The following ADGRB3 variants were observed in gnomAD, a reference collection of about 807,000 sequenced individuals.
The protein encoded by ADGRB3 is brain-specific angiogenesis inhibitor 3.
A neutral mutation model predicts 193.4 loss-of-function variants in ADGRB3; 37 were observed. The observed-to-expected ratio is 0.19, with a 90% CI of 0.15 to 0.25. The LOEUF (loss-of-function observed/expected upper bound fraction) is 0.25. Ranked by LOEUF, ADGRB3 falls within the 10% of genes least tolerant of loss-of-function variation. The probability of loss-of-function intolerance (pLI) is 1.00; values close to 1 mark genes in which losing one functional copy is unlikely to be tolerated. For missense variants in ADGRB3, 1,637 were observed against 1,852.9 expected, an observed-to-expected ratio of 0.88 and a Z score of 2.14; for synonymous variants, 690 against 644.2, an observed-to-expected ratio of 1.07 and a Z score of -1.08.
chr6:68,862,824 T>G (rs1765193504), intron 3 of ADGRB3, among the ~76,000 whole-genome samples: 1 of 152,186 alleles, frequency 6.6e-6, no homozygotes, highest in African/African-American at 2.4e-5. Flanking sequence ...TTTCTATTGC[T>G]TCCTCTTGAT....
chr6:69,284,663 T>TAA (rs139019795), intron 20 of ADGRB3, among the ~76,000 whole-genome samples: 4 of 151,798 alleles, frequency 2.6e-5, no homozygotes, highest in Admixed American at 6.6e-5. Context: ...GTATTTAACC[T>TAA]AAAAAAAACC....
At chr6:68,942,531 G>T (rs193275057) in intron 5 of ADGRB3, among the ~76,000 whole-genome samples, 5 of 152,050 alleles carry the variant, frequency 3.3e-5, no homozygotes, top group Admixed American at 6.6e-5. Flanking sequence ...GTCTATTAGG[G>T]TGCTATTATG....
chr6:69,073,233 G>A (rs186838118), intron 16 of ADGRB3, among the ~76,000 whole-genome samples: 2 of 151,566 alleles, frequency 1.3e-5, no homozygotes, highest in East Asian at 3.9e-4. Context: ...GGAGATATGA[G>A]CATTCCCTAA....
chr6:69,347,321 C>T (rs1307154232), intron 26 of ADGRB3, among the ~76,000 whole-genome samples: 2 of 152,140 alleles, frequency 1.3e-5, no homozygotes, highest in East Asian at 3.9e-4. Context: ...CAAACCTGCA[C>T]GTTCTGCACA....
chr6:68,986,745 G>C (rs1010118790), intron 10 of ADGRB3, among the ~76,000 whole-genome samples: 14 of 152,108 alleles, frequency 9.2e-5, no homozygotes, highest in Non-Finnish European at 2.1e-4. Flanking sequence ...AACTGTGAAA[G>C]CCTTTAACAT....
chr6:69,353,375 T>C (rs1315593723), intron 26 of ADGRB3, among the ~76,000 whole-genome samples: 1 of 152,226 alleles, frequency 6.6e-6, no homozygotes, highest in African/African-American at 2.4e-5. Context: ...CTGTTTTGTT[T>C]CCCTTTTGTT....
intron 3 of ADGRB3, among the ~76,000 whole-genome samples, chr6:68,845,726 TC>T (rs1180457006): frequency 6.6e-6 from 1 of 152,120 alleles, no homozygotes; most frequent in Non-Finnish European, 1.5e-5. Context: ...TTGTAAGACC[TC>T]CCCAGCCATG....
intron 17 of ADGRB3, among the ~76,000 whole-genome samples, chr6:69,171,678 C>T (rs1775274493): frequency 1.3e-5 from 2 of 152,146 alleles, no homozygotes; most frequent in East Asian, 3.9e-4. Context: ...ACCTCATTCC[C>T]TGTCTTCCCC....
intron 17 of ADGRB3, among the ~76,000 whole-genome samples, chr6:69,088,302 A>G (rs961858477): frequency 3.3e-5 from 5 of 152,146 alleles, no homozygotes; most frequent in African/African-American, 1.2e-4. Context: ...AAAAAACACA[A>G]TTTCTGAGTT....
chr6:69,198,186 A>G (rs1044788435), intron 17 of ADGRB3, among the ~76,000 whole-genome samples: 1 of 152,114 alleles, frequency 6.6e-6, no homozygotes, highest in Non-Finnish European at 1.5e-5. Flanking sequence ...ATACTAAAAT[A>G]TAAGTTCTGT....
chr6:69,347,015 A>G (rs1254990398), intron 26 of ADGRB3, among the ~76,000 whole-genome samples: 9 of 152,344 alleles, frequency 5.9e-5, no homozygotes. Flanking sequence ...ACACCATGGA[A>G]TACTACGCAG....
chr6:69,064,660 T>A (rs949615684), intron 16 of ADGRB3, among the ~76,000 whole-genome samples: 1 of 152,132 alleles, frequency 6.6e-6, no homozygotes, highest in Non-Finnish European at 1.5e-5. Flanking sequence ...ATTCTCTGTA[T>A]CAGATTATAG....
intron 3 of ADGRB3, among the ~76,000 whole-genome samples, chr6:68,733,127 A>C (rs975226523): frequency 2.0e-5 from 3 of 151,614 alleles, no homozygotes; most frequent in Non-Finnish European, 1.5e-5. Context: ...CTGTGTATCT[A>C]CCTAAAGGAA....
intron 31 of ADGRB3, among the ~76,000 whole-genome samples, chr6:69,387,557 A>G (rs1770101418): frequency 6.6e-6 from 1 of 151,948 alleles, no homozygotes; most frequent in South Asian, 2.1e-4. Context: ...AGTTATGGTA[A>G]GTGTTTTTGT....
intron 17 of ADGRB3, among the ~76,000 whole-genome samples, chr6:69,092,245 T>A (rs1476517685): frequency 1.3e-5 from 2 of 152,230 alleles, no homozygotes; most frequent in African/African-American, 4.8e-5. Flanking sequence ...GGTCAATGTC[T>A]TGCCTAAAGG....
chr6:68,769,867 T>C (rs1186060375), intron 3 of ADGRB3, among the ~76,000 whole-genome samples: 1 of 152,112 alleles, frequency 6.6e-6, no homozygotes, highest in Non-Finnish European at 1.5e-5. Flanking sequence ...CTAAACTCTG[T>C]CTCCTCTTAG....
At chr6:69,004,336 T>C (rs900289198) in intron 11 of ADGRB3, among the ~76,000 whole-genome samples, 6 of 152,158 alleles carry the variant, frequency 3.9e-5, no homozygotes, top group Non-Finnish European at 8.8e-5. Context: ...CTCTGTCTTT[T>C]ACACATGGTC....
At chr6:68,724,318 T>C (rs1765636137) in intron 3 of ADGRB3, among the ~76,000 whole-genome samples, 1 of 151,644 alleles carries the variant, frequency 6.6e-6, no homozygotes, top group Non-Finnish European at 1.5e-5. Context: ...ACATGGAGAA[T>C]ATGAAACTAA....
intron 3 of ADGRB3, among the ~76,000 whole-genome samples, chr6:68,783,360 T>TTACATATATACATATA (rs1766897757): frequency 6.8e-6 from 1 of 147,894 alleles, no homozygotes; most frequent in African/African-American, 2.5e-5. Context: ...ATTCTAAAAC[T>TTACATATATACATATA]TACATGTATA....
Sources: allele counts gnomAD v4.1 joint callset (sites outside exome capture counted in the v4.1 genomes callset), GRCh38; gene constraint gnomAD v4.1.1; transcripts MANE v1.5; gene names NCBI Gene and HGNC (gene_info 2026-07-23, HGNC 2026-07-21).